ADGRL3: variants seen among roughly 807,000 people sequenced by gnomAD.
The protein encoded by ADGRL3 is adhesion G protein-coupled receptor L3.
ADGRL3 carries 62 observed loss-of-function variants against 153.5 expected under a neutral mutation model. The observed-to-expected ratio is 0.40, with a 90% CI of 0.33 to 0.50. The LOEUF is 0.50. Among genes scored for constraint, ADGRL3 ranks in the 20% least tolerant of loss-of-function variants. The pLI is 0.47. For missense variants in ADGRL3, 1,641 were observed against 1,859.4 expected (o/e 0.88, Z 2.16); for synonymous variants, 710 against 672.5 (o/e 1.06, Z -0.86).
chr4:61,755,948 C>G (rs1052451793), intron 8 of ADGRL3, among the ~76,000 whole-genome samples: 3 of 152,124 alleles, frequency 2.0e-5, no homozygotes, highest in African/African-American at 7.2e-5. Context: ...GGCATTATAT[C>G]TGAGGGCTCT....
chr4:61,536,736 T>A (rs949936185), intron 4 of ADGRL3, among the ~76,000 whole-genome samples: 1 of 152,098 alleles, frequency 6.6e-6, no homozygotes, highest in Non-Finnish European at 1.5e-5. Flanking sequence ...ATTTGCATGA[T>A]ATATCTGTCA....
chr4:62,076,732 C>T lies in ADGRL3; in HGVS notation c.*5824C>T, dbSNP rs982867639. On this transcript the variant is annotated 3_prime_UTR_variant, in exon 27 of 27. Transcript: ENST00000683033. The stretch of plus-strand genomic sequence containing the variant: ...CTAGCTATACCTTGTCTCAAGGAAA[C>T]ATCAATATTTTATAAATGTTTCTTA... 8 of 151,828 alleles carry T rather than the reference C, an allele frequency of 5.3e-5. No homozygotes were observed. Among genetic ancestry groups the T allele is most frequent in the Non-Finnish European group, 4.4e-5 (3 of 67,852 alleles). The allele number at this position is 151,828 out of a possible 1,614,324, so 9.4% of individuals were successfully genotyped here.
Position 61,947,077 on chromosome 4 carries a change from G to C in ADGRL3, c.2583G>C (p.Lys861Asn), listed in dbSNP as rs539964140. The C allele has an allele frequency of 2.5e-6, 4 of 1,613,792 alleles. No homozygotes were observed. The highest frequency in any genetic ancestry group is 3.4e-6 in the Non-Finnish European group (4 of 1,179,772). ...TAAINKEFSN[K>N]VYLADPVVFT... is the part of the protein sequence containing the mutation. ...CAATAAACAAAGAGTTCAGTAACAA[G>C]GTTTATTTGGCTGATCCTGTGGTAT... Residue 861 changes from lysine to asparagine, a missense_variant, in exon 16 of 27, where the codon AAG (lysine) becomes AAC (asparagine). Around this residue, in one of 5 missense-constraint regions of ADGRL3, gnomAD observed 734 missense variants for 797.0 expected, o/e 0.92. Transcript: ENST00000683033.
intron 11 of ADGRL3, among the ~76,000 whole-genome samples, chr4:61,897,906 A>G (rs560577834): frequency 2.0e-5 from 3 of 152,250 alleles, no homozygotes; most frequent in East Asian, 3.9e-4. Flanking sequence ...GTAGCAGGGA[A>G]GGAGCTGTTC....
At chr4:61,636,092 C>A (rs2093410925) in intron 5 of ADGRL3, among the ~76,000 whole-genome samples, 1 of 152,034 alleles carries the variant, frequency 6.6e-6, no homozygotes, top group South Asian at 2.1e-4. Context: ...ACCTCCTAAC[C>A]CCTATCGAAA....
At chr4:61,531,553 C>T (rs576307338) in intron 4 of ADGRL3, among the ~76,000 whole-genome samples, 93 of 152,216 alleles carry the variant, frequency 6.1e-4, no homozygotes, top group Admixed American at 2.0e-3. Context: ...TCCTTCCTTC[C>T]GCAAGCATTT....
In ADGRL3 at chr4:61,454,282, G is replaced by GA. The variant is rs200943631; in HGVS notation, c.-173-42830dup. On this transcript the variant is annotated intron_variant, in intron 2 of 26. Coordinates refer to ENST00000683033, the MANE Select transcript of ADGRL3 (RefSeq NM_001387552.1). The stretch of plus-strand genomic sequence containing the variant: ...AGGTTAAAAACAATCTGTGCTACCT[G>GA]AAAAAAAAAGATTAAGAAATATAGG... Among the ~76,000 whole-genome samples, 82 of 150,208 alleles carry GA rather than the reference G, an allele frequency of 5.5e-4. 1 individual carries two copies. Among genetic ancestry groups the GA allele is most frequent in the African/African-American group, 1.1e-3 (47 of 41,022 alleles).
chr4:61,816,071 A>G (rs2097685562), intron 9 of ADGRL3, among the ~76,000 whole-genome samples: 1 of 152,214 alleles, frequency 6.6e-6, no homozygotes, highest in Non-Finnish European at 1.5e-5. Context: ...ACATTAATTC[A>G]TAGTAGAAGA....
At chr4:61,853,957 A>G (rs1189584836) in intron 9 of ADGRL3, among the ~76,000 whole-genome samples, 4 of 152,166 alleles carry the variant, frequency 2.6e-5, no homozygotes, top group Admixed American at 2.0e-4. Context: ...AAGCATATCT[A>G]TCTTTTCTGG....
At chr4:62,051,168 GTATA>G (rs35250485) in intron 25 of ADGRL3, among the ~76,000 whole-genome samples, 12,619 of 138,896 alleles carry the variant, frequency 0.091, 720 homozygotes, top group Middle Eastern at 0.18. Flanking sequence ...GTGTGTGTGT[GTATA>G]TATATATATA....
chr4:61,673,012 G>A (rs2095059624), intron 5 of ADGRL3, among the ~76,000 whole-genome samples: 1 of 151,856 alleles, frequency 6.6e-6, no homozygotes, highest in African/African-American at 2.4e-5. Context: ...AAAAATGAAG[G>A]AAACTCTTGT....
intron 2 of ADGRL3, among the ~76,000 whole-genome samples, chr4:61,448,322 G>A (rs1209020775): frequency 6.6e-6 from 1 of 152,110 alleles, no homozygotes; most frequent in African/African-American, 2.4e-5. Context: ...GGAAGGAGGA[G>A]TGGAGATAGG....
chr4:61,234,679 A>G (rs1312543798), intron 1 of ADGRL3, among the ~76,000 whole-genome samples: 1 of 152,176 alleles, frequency 6.6e-6, no homozygotes, highest in Non-Finnish European at 1.5e-5. Context: ...ATAGAAGGAA[A>G]GAAAATGTTT....
At chr4:61,434,266 G>A (rs990396830) in intron 2 of ADGRL3, among the ~76,000 whole-genome samples, 11 of 151,990 alleles carry the variant, frequency 7.2e-5, no homozygotes, top group Non-Finnish European at 1.5e-4. Flanking sequence ...GGTCTGCAAT[G>A]GTCATGGTGG....
At chr4:61,960,713 T>C (rs2098984523) in intron 17 of ADGRL3, among the ~76,000 whole-genome samples, 1 of 152,074 alleles carries the variant, frequency 6.6e-6, no homozygotes, top group Non-Finnish European at 1.5e-5. Context: ...TGTTTTGTTT[T>C]GTTTTATTTT....
At chr4:61,834,944 C>G (rs1314538699) in intron 9 of ADGRL3, among the ~76,000 whole-genome samples, 1 of 152,102 alleles carries the variant, frequency 6.6e-6, no homozygotes, top group Non-Finnish European at 1.5e-5. Context: ...GCAGATGTTT[C>G]CATATCTTCC....
At chr4:61,755,484 A>T (rs1169264816) in intron 8 of ADGRL3, among the ~76,000 whole-genome samples, 1 of 151,836 alleles carries the variant, frequency 6.6e-6, no homozygotes, top group Non-Finnish European at 1.5e-5. Flanking sequence ...TTTTCTTGTA[A>T]ATTTGTTTCA....
intron 1 of ADGRL3, among the ~76,000 whole-genome samples, chr4:61,378,302 G>A (rs1369309309): frequency 6.6e-6 from 1 of 151,854 alleles, no homozygotes; most frequent in Non-Finnish European, 1.5e-5. Flanking sequence ...ATTGATTTTT[G>A]TGGAGACCAT....
At chr4:62,001,113 A>T (rs2099138935) in intron 21 of ADGRL3, among the ~76,000 whole-genome samples, 1 of 152,128 alleles carries the variant, frequency 6.6e-6, no homozygotes, top group South Asian at 2.1e-4. Context: ...AAGAATTATG[A>T]ATATAGATAT....
Sources: allele counts gnomAD v4.1 joint callset (sites outside exome capture counted in the v4.1 genomes callset), GRCh38; gene constraint gnomAD v4.1.1; regional missense constraint gnomAD v4.1.1; transcripts MANE v1.5; gene names NCBI Gene and HGNC (gene_info 2026-07-23, HGNC 2026-07-21).